The following SPATA6 variants were observed in gnomAD, a reference collection of about 807,000 sequenced individuals.
SPATA6 encodes the protein spermatogenesis associated 6, also known as spermatogenesis-associated protein 6.
In SPATA6, 56 loss-of-function variants were observed where a neutral mutation model predicts 65.3. The observed-to-expected ratio is 0.86, with a 90% confidence interval of 0.69 to 1.07. The LOEUF (loss-of-function observed/expected upper bound fraction) is 1.07. Ranked by LOEUF, SPATA6 falls within the 50% of genes least tolerant of loss-of-function variation. SPATA6 has a pLI of 0.00. For synonymous variants in SPATA6, 199 were observed against 213.2 expected (o/e 0.93, Z 0.58); for missense variants, 590 against 594.8 (o/e 0.99, Z 0.08).
the SPATA6 span, among the ~76,000 whole-genome samples, chr1:48,290,028 C>T: frequency 2.6e-3 from 389 of 152,176 alleles, 10 homozygotes; most frequent in East Asian, 0.017. Context: ...TTGAGAAGAG[C>T]GACTACAAGA....
At position 48,471,277 on chromosome 1, in the gene SPATA6, G is replaced by T. The variant is rs369655944; in HGVS notation, c.51+681C>A. ...GGGTTGCAAGGTTGGAGAAGGAGGT[G>T]TTTCCCTCATAAAAATGACTGGGCC... On this transcript the variant is annotated intron_variant, in intron 1 of 12. Transcript: ENST00000371847. 1.7e-3 allele frequency among the ~76,000 whole-genome samples: 256 copies of T among 152,268 alleles called. 2 individuals carry two copies. Among genetic ancestry groups the T allele is most frequent in the African/African-American group, 6.0e-3 (249 of 41,566 alleles).
At chr1:48,343,179 ATCTATGTGGCCT>A (rs1646267029) in intron 11 of SPATA6, among the ~76,000 whole-genome samples, 1 of 152,184 alleles carries the variant, frequency 6.6e-6, no homozygotes, top group Non-Finnish European at 1.5e-5. Context: ...TCTGGGACTC[ATCTATGTGGCCT>A]ACTAGGGCCA....
intron 1 of SPATA6, among the ~76,000 whole-genome samples, chr1:48,458,223 A>G (rs1194194551): frequency 6.6e-6 from 1 of 152,180 alleles, no homozygotes; most frequent in Non-Finnish European, 1.5e-5. Flanking sequence ...ACAAAAGACA[A>G]AATGACACAA....
intron 1 of SPATA6, among the ~76,000 whole-genome samples, chr1:48,453,637 A>C (rs1656773489): frequency 6.6e-6 from 1 of 152,224 alleles, no homozygotes; most frequent in Non-Finnish European, 1.5e-5. Flanking sequence ...ATAAAATGAA[A>C]GTTTCTAGCC....
chr1:48,369,867 G>A lies in SPATA6; in HGVS notation c.910-10097C>T, dbSNP rs1035439492. 5.9e-5 allele frequency among the ~76,000 whole-genome samples: 9 copies of A among 152,164 alleles called. No homozygotes were observed. The South Asian group carries it at 6.2e-4, about 11-fold the overall frequency. ...AATGCAGAAATCACCCATTTTCTGC[G>A]TCGCTCACGCTGGGAGCTGTAGACC... On this transcript the variant is annotated intron_variant, in intron 9 of 12. Coordinates refer to ENST00000371847, the MANE Select transcript of SPATA6 (RefSeq NM_019073.4).
chr1:48,440,888 G>A (rs1655398766), intron 3 of SPATA6, among the ~76,000 whole-genome samples: 1 of 152,156 alleles, frequency 6.6e-6, no homozygotes. Context: ...GGGACCAAGA[G>A]AACAGGCCAA....
At chr1:48,419,523 C>T (rs12065998) in intron 3 of SPATA6, among the ~76,000 whole-genome samples, 1 of 152,108 alleles carries the variant, frequency 6.6e-6, no homozygotes, top group Non-Finnish European at 1.5e-5. Flanking sequence ...TTACGGGATA[C>T]ATCTAATGAA....
chr1:48,465,141 C>CA, intron 1 of SPATA6, among the ~76,000 whole-genome samples: 1 of 151,948 alleles, frequency 6.6e-6, no homozygotes, highest in Non-Finnish European at 1.5e-5. Context: ...AAGAAGAAAA[C>CA]AAGAATACAC....
intron 11 of SPATA6, chr1:48,325,252 A>T: frequency 3.7e-6 from 3 of 814,156 alleles, no homozygotes; most frequent in Non-Finnish European, 6.1e-6. Context: ...CAAGGTTTGG[A>T]TATGGCATAA....
At chr1:48,288,082 TC>T in the SPATA6 span, among the ~76,000 whole-genome samples, 1 of 152,260 alleles carries the variant, frequency 6.6e-6, no homozygotes, top group Non-Finnish European at 1.5e-5. Context: ...TGTCTTTCTT[TC>T]TGTTAATGTA....
the SPATA6 span, among the ~76,000 whole-genome samples, chr1:48,288,183 G>A: frequency 1.3e-5 from 2 of 152,138 alleles, no homozygotes; most frequent in African/African-American, 4.8e-5. Flanking sequence ...CTTGTAATGT[G>A]CCATTGAATT....
At chr1:48,441,644 C>T (rs1187572938) in intron 3 of SPATA6, among the ~76,000 whole-genome samples, 2 of 151,666 alleles carry the variant, frequency 1.3e-5, no homozygotes, top group Non-Finnish European at 2.9e-5. Flanking sequence ...TCTCTTTACA[C>T]GTCACAGAGA....
chr1:48,414,370 T>G (rs966005412), intron 3 of SPATA6, among the ~76,000 whole-genome samples: 1 of 152,222 alleles, frequency 6.6e-6, no homozygotes, highest in Non-Finnish European at 1.5e-5. Flanking sequence ...AATTCTTTTT[T>G]CTACAGCCTC....
the SPATA6 span, among the ~76,000 whole-genome samples, chr1:48,267,972 C>T: frequency 2.8e-4 from 42 of 151,852 alleles, no homozygotes; most frequent in Middle Eastern, 3.4e-3. Context: ...AGGATGGTCT[C>T]GATCTCCTGA....
intron 3 of SPATA6, among the ~76,000 whole-genome samples, chr1:48,419,721 G>T (rs768958750): frequency 1.3e-5 from 2 of 152,178 alleles, no homozygotes; most frequent in Non-Finnish European, 2.9e-5. Flanking sequence ...TTTGGTCAGT[G>T]AAATGGGAAG....
intron 1 of SPATA6, among the ~76,000 whole-genome samples, chr1:48,457,647 C>A (rs1456787281): frequency 1.3e-5 from 2 of 152,046 alleles, no homozygotes; most frequent in East Asian, 3.9e-4. Context: ...TCAATACCCA[C>A]AAAAATTTTC....
intron 9 of SPATA6, among the ~76,000 whole-genome samples, chr1:48,379,155 G>A (rs1381994835): frequency 6.6e-6 from 1 of 152,128 alleles, no homozygotes; most frequent in Non-Finnish European, 1.5e-5. Flanking sequence ...TACAATCATG[G>A]CAGAAGGAGA....
At chr1:48,339,363 G>A (rs1315874140) in intron 11 of SPATA6, among the ~76,000 whole-genome samples, 1 of 151,922 alleles carries the variant, frequency 6.6e-6, no homozygotes, top group Non-Finnish European at 1.5e-5. Context: ...ATAATATCTA[G>A]AATTTAACTC....
chr1:48,431,044 A>T (rs746111924), intron 3 of SPATA6, among the ~76,000 whole-genome samples: 8 of 152,142 alleles, frequency 5.3e-5, no homozygotes, highest in Non-Finnish European at 1.2e-4. Flanking sequence ...AGGTCTAAAG[A>T]TGCACACATT....
Sources: allele counts gnomAD v4.1 joint callset (sites outside exome capture counted in the v4.1 genomes callset), GRCh38; gene constraint gnomAD v4.1.1; transcripts MANE v1.5; gene names NCBI Gene and HGNC (gene_info 2026-07-23, HGNC 2026-07-21).